The following PABPC4L variants were observed in gnomAD, a reference collection of about 807,000 sequenced individuals.
The protein encoded by PABPC4L is poly(A) binding protein cytoplasmic 4 like.
For missense variants in PABPC4L, 452 were observed against 451.4 expected, an observed-to-expected ratio of 1.00 and a Z score of -0.01; for synonymous variants, 169 against 164.1, an observed-to-expected ratio of 1.03 and a Z score of -0.23.
chr4:134,147,900 C>G, the PABPC4L span, among the ~76,000 whole-genome samples: 1 of 152,014 alleles, frequency 6.6e-6, no homozygotes, highest in Non-Finnish European at 1.5e-5. Flanking sequence ...GCATTACAAT[C>G]GGCTATCACA....
chr4:133,999,152 T>C, the PABPC4L span, among the ~76,000 whole-genome samples: 1 of 152,106 alleles, frequency 6.6e-6, no homozygotes, highest in Non-Finnish European at 1.5e-5. Flanking sequence ...AAACATAGCA[T>C]AAATATCAAC....
At chr4:134,141,185 A>G in the PABPC4L span, among the ~76,000 whole-genome samples, 1 of 151,666 alleles carries the variant, frequency 6.6e-6, no homozygotes, top group Non-Finnish European at 1.5e-5. Flanking sequence ...TGAAACTACT[A>G]CAACTGTAGA....
the PABPC4L span, among the ~76,000 whole-genome samples, chr4:134,026,620 T>TCC: frequency 6.6e-6 from 1 of 151,650 alleles, no homozygotes; most frequent in African/African-American, 2.4e-5. Context: ...TTGAATTGTG[T>TCC]CCCCCCCCAA....
chr4:134,106,238 C>T, the PABPC4L span, among the ~76,000 whole-genome samples: 3 of 151,554 alleles, frequency 2.0e-5, no homozygotes, highest in Admixed American at 6.6e-5. Flanking sequence ...GCTCCTGGTG[C>T]TTTCCCAATT....
At chr4:133,951,549 GAC>G in the PABPC4L span, among the ~76,000 whole-genome samples, 1 of 152,148 alleles carries the variant, frequency 6.6e-6, no homozygotes, top group African/African-American at 2.4e-5. Context: ...ACCCTTTAGA[GAC>G]AGGATCAAGA....
At chr4:134,146,907 T>C in the PABPC4L span, among the ~76,000 whole-genome samples, 1 of 152,046 alleles carries the variant, frequency 6.6e-6, no homozygotes, top group Non-Finnish European at 1.5e-5. Context: ...CACCTCAGTT[T>C]TTCAGGCTTT....
At chr4:134,042,733 AC>A in the PABPC4L span, among the ~76,000 whole-genome samples, 3 of 152,164 alleles carry the variant, frequency 2.0e-5, no homozygotes, top group African/African-American at 7.2e-5. Flanking sequence ...GACATACCAG[AC>A]TTTCTTCCAA....
At chr4:134,018,739 A>G in the PABPC4L span, among the ~76,000 whole-genome samples, 1 of 152,056 alleles carries the variant, frequency 6.6e-6, no homozygotes, top group Non-Finnish European at 1.5e-5. Context: ...ATATACAACA[A>G]TTTTCTATTC....
At chr4:134,005,463 G>C in the PABPC4L span, among the ~76,000 whole-genome samples, 5 of 151,824 alleles carry the variant, frequency 3.3e-5, no homozygotes, top group East Asian at 1.9e-4. Context: ...GTAGTGAAGA[G>C]GATATGAATA....
the PABPC4L span, among the ~76,000 whole-genome samples, chr4:133,962,463 G>A: frequency 6.6e-6 from 1 of 152,146 alleles, no homozygotes; most frequent in African/African-American, 2.4e-5. Flanking sequence ...GGAGACATCG[G>A]ACACATTTAT....
chr4:134,098,854 T>C, the PABPC4L span, among the ~76,000 whole-genome samples: 1 of 151,684 alleles, frequency 6.6e-6, no homozygotes, highest in African/African-American at 2.4e-5. Context: ...GTGAAGATTT[T>C]GTTTCGAGAA....
At chr4:134,026,105 C>G in the PABPC4L span, among the ~76,000 whole-genome samples, 1 of 151,888 alleles carries the variant, frequency 6.6e-6, no homozygotes, top group East Asian at 1.9e-4. Flanking sequence ...TGTCTGTCAC[C>G]CTGGTGTTTG....
the PABPC4L span, among the ~76,000 whole-genome samples, chr4:134,096,981 T>G: frequency 6.6e-6 from 1 of 151,956 alleles, no homozygotes; most frequent in Non-Finnish European, 1.5e-5. Flanking sequence ...CCATGGATGC[T>G]TAAAACATCA....
chr4:133,974,888 T>A, the PABPC4L span, among the ~76,000 whole-genome samples: 1 of 152,124 alleles, frequency 6.6e-6, no homozygotes, highest in African/African-American at 2.4e-5. Context: ...ACTCTCAAAT[T>A]TTGTTGTTCA....
chr4:134,143,601 T>C, the PABPC4L span, among the ~76,000 whole-genome samples: 1 of 151,022 alleles, frequency 6.6e-6, no homozygotes, highest in Non-Finnish European at 1.5e-5. Flanking sequence ...ACTGTAGATT[T>C]CTGCTGAAGT....
At chr4:134,033,620 C>A in the PABPC4L span, among the ~76,000 whole-genome samples, 2 of 151,834 alleles carry the variant, frequency 1.3e-5, no homozygotes, top group African/African-American at 4.8e-5. Flanking sequence ...AGTTTTATTT[C>A]TAATATGAAG....
the PABPC4L span, among the ~76,000 whole-genome samples, chr4:133,989,752 T>C: frequency 6.6e-6 from 1 of 152,082 alleles, no homozygotes; most frequent in African/African-American, 2.4e-5. Context: ...CCACTCATGA[T>C]ACCAATTTTC....
At chr4:134,135,505 C>G in the PABPC4L span, among the ~76,000 whole-genome samples, 1 of 152,068 alleles carries the variant, frequency 6.6e-6, no homozygotes, top group African/African-American at 2.4e-5. Context: ...CTTACATATC[C>G]TCCACTAATT....
the PABPC4L span, among the ~76,000 whole-genome samples, chr4:134,132,407 T>C: frequency 2.2e-4 from 34 of 151,724 alleles, no homozygotes; most frequent in African/African-American, 8.0e-4. Context: ...GCTAAAGGCA[T>C]GAATAGAAAA....
Sources: allele counts gnomAD v4.1 joint callset (sites outside exome capture counted in the v4.1 genomes callset), GRCh38; gene constraint gnomAD v4.1.1; transcripts MANE v1.5; gene names NCBI Gene and HGNC (gene_info 2026-07-23, HGNC 2026-07-21).